Variants in SATB2 observed in about 807,000 individuals in gnomAD.
The protein encoded by SATB2 is SATB homeobox 2.
In SATB2, 1 loss-of-function variant was observed where a neutral mutation model predicts 73.4. The ratio of observed to expected loss-of-function variants is 0.01; its 90% confidence interval spans 0.00 to 0.06. The LOEUF (loss-of-function observed/expected upper bound fraction) is 0.06. Ranked by LOEUF, SATB2 falls within the 10% of genes least tolerant of loss-of-function variation. The pLI, the probability that SATB2 is intolerant of heterozygous loss-of-function variation, is 1.00. For missense variants in SATB2, 459 were observed against 945.8 expected (o/e 0.49, Z 6.75); for synonymous variants, 397 against 367.0 (o/e 1.08, Z -0.93).
rs1035684814 is a variant in SATB2 at position 199,308,038 on chromosome 2, A to G, written c.1740+722T>C. On this transcript the variant is annotated intron_variant, in intron 10 of 10. Coordinates refer to ENST00000417098, the MANE Select transcript of SATB2 (RefSeq NM_001172509.2). The surrounding 1 kb of genome is among the most constrained non-coding windows in gnomAD (Gnocchi z 4.6). ...CAAAACAATTTGTGGGCCAAACTCT[A>G]GGGGGTCTAACGTTGGAAACCTCAA... Among the ~76,000 whole-genome samples the G allele has an allele frequency of 3.9e-5, 6 of 152,196 alleles. No individual in the cohort carries two copies. The highest frequency in any genetic ancestry group is 6.5e-5 in the Admixed American group (1 of 15,288).
chr2:199,438,674 G>A (rs185512954), intron 2 of SATB2, among the ~76,000 whole-genome samples: 39 of 152,346 alleles, frequency 2.6e-4, no homozygotes, highest in African/African-American at 9.1e-4. Flanking sequence ...TGGTGCAGCT[G>A]CAGCAGGGCG....
intron 3 of SATB2, chr2:199,396,103 C>T (rs1690292470): frequency 6.6e-6 from 1 of 152,216 alleles, no homozygotes; most frequent in Non-Finnish European, 1.5e-5. Context: ...ACAAAGCTGA[C>T]TTTACTTTGT....
At chr2:199,317,816 C>G (rs948138474) in intron 9 of SATB2, among the ~76,000 whole-genome samples, 1 of 151,958 alleles carries the variant, frequency 6.6e-6, no homozygotes, top group Admixed American at 6.6e-5. Flanking sequence ...CTGGAGGGCT[C>G]AACTTGACGC....
chr2:199,439,910 C>T (rs1429057428), intron 2 of SATB2, among the ~76,000 whole-genome samples: 3 of 152,094 alleles, frequency 2.0e-5, no homozygotes, highest in African/African-American at 7.2e-5. Flanking sequence ...TCGAGACCAG[C>T]CTGACCAACA....
At chr2:199,299,380 T>C (rs1474889670) in intron 10 of SATB2, among the ~76,000 whole-genome samples, 1 of 152,188 alleles carries the variant, frequency 6.6e-6, no homozygotes, top group Non-Finnish European at 1.5e-5. Context: ...TTTGTTCTTT[T>C]AAGGTAATCT....
intron 6 of SATB2, among the ~76,000 whole-genome samples, chr2:199,354,327 G>C (rs1174068521): frequency 6.6e-6 from 1 of 152,180 alleles, no homozygotes; most frequent in Non-Finnish European, 1.5e-5. Flanking sequence ...CTGCACTCCA[G>C]CCTGGGTGAC....
chr2:199,470,864 GC>G (rs938386188), intron 1 of SATB2: 5 of 152,314 alleles, frequency 3.3e-5, no homozygotes, highest in African/African-American at 1.2e-4. Flanking sequence ...TGGCGACCCC[GC>G]TCACGTGTAA....
chr2:199,382,049 T>C (rs1030176985), intron 3 of SATB2, among the ~76,000 whole-genome samples: 1 of 152,190 alleles, frequency 6.6e-6, no homozygotes, highest in Non-Finnish European at 1.5e-5. Context: ...ATCAGTTCTT[T>C]TATGTTTTCC....
upstream of SATB2, among the ~76,000 whole-genome samples, chr2:199,467,129 A>G (rs941835325): frequency 6.6e-6 from 1 of 152,250 alleles, no homozygotes; most frequent in Non-Finnish European, 1.5e-5. Flanking sequence ...GCTCCTCCCA[A>G]GAGACCTCAA....
intron 10 of SATB2, among the ~76,000 whole-genome samples, chr2:199,298,515 T>G (rs1193419990): frequency 6.6e-6 from 1 of 152,236 alleles, no homozygotes; most frequent in African/African-American, 2.4e-5. Context: ...TACTGAAATA[T>G]TTTTTAAGTA....
chr2:199,333,584 G>T (rs922970988), intron 7 of SATB2, among the ~76,000 whole-genome samples: 3 of 152,060 alleles, frequency 2.0e-5, no homozygotes, highest in African/African-American at 7.2e-5. Context: ...CTTACAAGCT[G>T]TAAAATAAAG....
intron 6 of SATB2, among the ~76,000 whole-genome samples, chr2:199,351,472 G>A (rs950794821): frequency 2.6e-5 from 4 of 152,014 alleles, no homozygotes; most frequent in East Asian, 1.9e-4. Flanking sequence ...TTTGTTTTAC[G>A]TATCACCTTT....
At chr2:199,367,503 C>T (rs1011103968) in intron 6 of SATB2, among the ~76,000 whole-genome samples, 1 of 152,114 alleles carries the variant, frequency 6.6e-6, no homozygotes, top group Non-Finnish European at 1.5e-5. Context: ...TCAAAAATCT[C>T]CCAAACACTC....
intron 9 of SATB2, among the ~76,000 whole-genome samples, chr2:199,315,803 G>A (rs1687717507): frequency 1.3e-5 from 2 of 151,960 alleles, no homozygotes; most frequent in African/African-American, 4.8e-5. Context: ...TTGAAGGCAG[G>A]GCCTTGTCAC....
chr2:199,458,753 C>T (rs1252490455), upstream of SATB2: 2 of 418,398 alleles, frequency 4.8e-6, no homozygotes, highest in African/African-American at 4.4e-5. Context: ...TCGCCTCCCC[C>T]ACCCACCGCC....
intron 2 of SATB2, among the ~76,000 whole-genome samples, chr2:199,433,916 A>C (rs938201941): frequency 6.6e-6 from 1 of 152,020 alleles, no homozygotes; most frequent in East Asian, 1.9e-4. Flanking sequence ...TAAATATATT[A>C]CTTTTACACG....
At chr2:199,328,403 T>C (rs1348778728) in intron 8 of SATB2, among the ~76,000 whole-genome samples, 3 of 151,942 alleles carry the variant, frequency 2.0e-5, no homozygotes, top group Non-Finnish European at 4.4e-5. Context: ...TAGCAGGGCA[T>C]GGTGGTTGGT....
chr2:199,355,614 T>G (rs1262555491), intron 6 of SATB2, among the ~76,000 whole-genome samples: 2 of 151,912 alleles, frequency 1.3e-5, no homozygotes, highest in Non-Finnish European at 2.9e-5. Context: ...TTCAAAGGCC[T>G]GGGTTATAAC....
intron 3 of SATB2, among the ~76,000 whole-genome samples, chr2:199,393,324 A>G (rs1175117409): frequency 1.3e-5 from 2 of 152,204 alleles, no homozygotes; most frequent in African/African-American, 4.8e-5. Context: ...GCCAGTGGGC[A>G]GTGCCAGCTT....
Sources: gnomAD v4.1 joint callset for allele counts (sites outside exome capture counted in the v4.1 genomes callset) on GRCh38, gnomAD v4.1.1 for gene constraint, Gnocchi (gnomAD v3.1) non-coding constraint, MANE v1.5 for transcripts, NCBI Gene and HGNC (gene_info 2026-07-23, HGNC 2026-07-21) for gene names.